TRAPPC3: variants seen among roughly 807,000 people sequenced by gnomAD.
TRAPPC3 encodes the protein trafficking protein particle complex 3.
TRAPPC3 carries 5 observed loss-of-function variants against 18.2 expected under a neutral mutation model. The ratio of observed to expected loss-of-function variants is 0.28; its 90% CI spans 0.14 to 0.58. The LOEUF is 0.58. Among genes scored for constraint, TRAPPC3 ranks in the 20% least tolerant of loss-of-function variants. The pLI is 0.91. For synonymous variants in TRAPPC3, 65 were observed against 84.2 expected (o/e 0.77, Z 1.25); for missense variants, 176 against 225.9 (o/e 0.78, Z 1.41).
At chr1:36,150,274 C>A (rs1644258601), upstream of TRAPPC3, among the ~76,000 whole-genome samples, 4 of 152,246 alleles carry the variant, frequency 2.6e-5, no homozygotes, top group African/African-American at 9.6e-5. Context: ...GCATAAAAGG[C>A]ATAAAAGAAA....
At position 36,137,046 on chromosome 1, in the gene TRAPPC3, G is replaced by A. The variant is rs778389344; in HGVS notation, c.*157C>T. ...ACACATGGGGTAAATGGACTATATCGCAGTCTGCTCTTTATTTGAATGGAG... is the reference window on the plus strand; with the variant it reads ...ACACATGGGGTAAATGGACTATATCACAGTCTGCTCTTTATTTGAATGGAG... On this transcript the variant is annotated 3_prime_UTR_variant, in exon 5 of 5. Transcript: ENST00000373166. 2.7e-4 allele frequency: 225 copies of A among 842,246 alleles called. No homozygotes were observed. The highest frequency in any genetic ancestry group is 3.6e-4 in the Non-Finnish European group (198 of 548,202). 52.2% of individuals were successfully genotyped at this position (842,246 alleles called of 1,614,324 possible).
chr1:36,156,035 G>T (rs1029472499), exon 1 of TRAPPC3: 18 of 196,434 alleles, frequency 9.2e-5, no homozygotes, highest in African/African-American at 3.1e-4. Context: ...CGGGGGCGGC[G>T]CGAACGGCGC....
chr1:36,137,559 G>C, intron 4 of TRAPPC3: 1 of 636,230 alleles, frequency 1.6e-6, no homozygotes, highest in Non-Finnish European at 2.7e-6. Flanking sequence ...GCCTATCTGA[G>C]AATGGATGTT....
chr1:36,143,141 G>C (rs1644141203), intron 1 of TRAPPC3, among the ~76,000 whole-genome samples: 1 of 152,088 alleles, frequency 6.6e-6, no homozygotes, highest in South Asian at 2.1e-4. Context: ...TATCTAACAG[G>C]AGGGGGAGAG....
Position 36,140,118 on chromosome 1 carries a change from A to AGCTGGTGACCACCT in TRAPPC3, c.90_91insAGGTGGTCACCAGC (p.Cys31ArgfsTer15). On this transcript the variant is annotated frameshift_variant, in exon 2 of 5. Transcript: ENST00000373166. LOFTEE classifies it high-confidence loss of function. ...TCTTCATCATTTTCATAGTCCTTAC[A>AGCTGGTGACCACCT]TAGCTGGGTGACCAGGGCACCATAG... 6.2e-7 allele frequency: 1 copy of AGCTGGTGACCACCT among 1,605,244 alleles called. No individual in the cohort carries two copies. The highest frequency in any genetic ancestry group is 8.5e-7 in the Non-Finnish European group (1 of 1,177,556).
intron 1 of TRAPPC3, chr1:36,140,457 T>C (rs1557758296): frequency 3.5e-6 from 1 of 287,776 alleles, no homozygotes; most frequent in Non-Finnish European, 6.4e-6. Flanking sequence ...ACCACAGCTG[T>C]CAAGCCTAAG....
chr1:36,144,150 T>A (rs2124158692), intron 1 of TRAPPC3, among the ~76,000 whole-genome samples: 1 of 151,702 alleles, frequency 6.6e-6, no homozygotes, highest in East Asian at 1.9e-4. Context: ...TAGCTGGGCG[T>A]GGTACTAGGT....
At chr1:36,138,365 G>A in intron 3 of TRAPPC3, 1 of 1,075,256 alleles carries the variant, frequency 9.3e-7, no homozygotes, top group Non-Finnish European at 1.3e-6. Flanking sequence ...TCCTCTGTCT[G>A]TGCTACCTGA....
At chr1:36,151,890 A>G (rs540694164), upstream of TRAPPC3, among the ~76,000 whole-genome samples, 1 of 152,166 alleles carries the variant, frequency 6.6e-6, no homozygotes, top group African/African-American at 2.4e-5. Context: ...CCGCCTCCCC[A>G]AGAGCTGGAC....
rs1644034505 is a variant in TRAPPC3 at position 36,137,002 on chromosome 1, C to T, written c.*201G>A. ...CCTCTCAAGGGAATGGGGGCAGAGACTGTCGCTCCTGAATGTGCACACATG... is the reference window on the plus strand; with the variant it reads ...CCTCTCAAGGGAATGGGGGCAGAGATTGTCGCTCCTGAATGTGCACACATG... On this transcript the variant is annotated 3_prime_UTR_variant, in exon 5 of 5. Transcript: ENST00000373166. The T allele has an allele frequency of 2.0e-6, 1 of 494,580 alleles. No individual in the cohort carries two copies. The highest frequency in any genetic ancestry group is 3.5e-5 in the Admixed American group (1 of 28,234). 30.6% of individuals were successfully genotyped at this position (494,580 alleles called of 1,614,324 possible). A position where few individuals can be genotyped will look rare whatever the true frequency, so the allele number is the denominator to read the frequency against.
rs559357136 is a variant in TRAPPC3, at chr1:36,154,554, C to T, written c.-97+1329G>A. 3.3e-3 allele frequency among the ~76,000 whole-genome samples: 506 copies of T among 152,242 alleles called. 3 individuals are homozygous for T. The highest frequency in any genetic ancestry group is 0.012 in the African/African-American group (480 of 41,526). Reference sequence around the variant, plus strand: ...CCTCACAAAGGACTGTCATGAACTCCGTCATCCCCGCAGTCCCCCCACCCT... The same window carrying T: ...CCTCACAAAGGACTGTCATGAACTCTGTCATCCCCGCAGTCCCCCCACCCT... On this transcript the variant is annotated intron_variant, in intron 1 of 4. Transcript: ENST00000617904.
chr1:36,153,653 C>T (rs981319946), upstream of TRAPPC3, among the ~76,000 whole-genome samples: 3 of 152,196 alleles, frequency 2.0e-5, no homozygotes, highest in Non-Finnish European at 2.9e-5. Context: ...CTGGCTTCTA[C>T]GCGGTAGCTG....
chr1:36,137,148 A>G lies in TRAPPC3; in HGVS notation c.*55T>C. 1 of 1,576,526 alleles carries G rather than the reference A, an allele frequency of 6.3e-7. No individual in the cohort carries two copies. Among genetic ancestry groups the G allele is most frequent in the Non-Finnish European group, 8.7e-7 (1 of 1,150,532 alleles). The stretch of plus-strand genomic sequence containing the variant: ...GTTCTGGAGGGCAGAGGGAGCACAG[A>G]GGCCTGCTGATTCCAACAGTGCTCC... On this transcript the variant is annotated 3_prime_UTR_variant, in exon 5 of 5. Coordinates refer to ENST00000373166, the MANE Select transcript of TRAPPC3 (RefSeq NM_014408.5).
intron 1 of TRAPPC3, chr1:36,149,033 G>T: frequency 7.8e-7 from 1 of 1,290,300 alleles, no homozygotes; most frequent in Non-Finnish European, 9.9e-7. Flanking sequence ...AACGTGCGTG[G>T]CCCGGTGCCC....
At chr1:36,138,319 GCTGC>G in intron 3 of TRAPPC3, 1 of 1,486,746 alleles carries the variant, frequency 6.7e-7, no homozygotes, top group Admixed American at 2.0e-5. Context: ...CGACACGGTG[GCTGC>G]CTGAGTGCAG....
upstream of TRAPPC3, chr1:36,149,633 TC>T (rs1644253130): frequency 1.8e-6 from 1 of 562,618 alleles, no homozygotes. Flanking sequence ...CAACTACAAC[TC>T]CCGGAGTGCT....
chr1:36,137,783 G>C lies in TRAPPC3; in HGVS notation c.423+13C>G. 2 of 1,611,584 alleles carry C rather than the reference G, an allele frequency of 1.2e-6. No homozygotes were observed. Among genetic ancestry groups the C allele is most frequent in the South Asian group, 1.1e-5 (1 of 90,802 alleles). Reference sequence around the variant, plus strand: ...CATTTCGGGTGTCCCAGAAGATAAAGAGTTGCACTCACCATCTCCAAAGCT... The same window carrying C: ...CATTTCGGGTGTCCCAGAAGATAAACAGTTGCACTCACCATCTCCAAAGCT... On this transcript the variant is annotated intron_variant, in intron 4 of 4. Coordinates refer to ENST00000373166, the MANE Select transcript of TRAPPC3 (RefSeq NM_014408.5).
intron 1 of TRAPPC3, among the ~76,000 whole-genome samples, chr1:36,141,958 CAAAAAAAAAAAAAAA>C (rs71053907): frequency 1.6e-5 from 1 of 64,134 alleles, no homozygotes; most frequent in Admixed American, 2.2e-4. Context: ...ATTCCGTCTC[CAAAAAAAAAAAAAAA>C]AAAAAAAAAA....
chr1:36,147,423 C>G (rs1292381931), intron 1 of TRAPPC3, among the ~76,000 whole-genome samples: 13 of 151,528 alleles, frequency 8.6e-5, no homozygotes, highest in Non-Finnish European at 1.5e-4. Flanking sequence ...TGCTTGAGCC[C>G]AGGAGTTCGA....
Sources: gnomAD v4.1 joint callset for allele counts (sites outside exome capture counted in the v4.1 genomes callset) on GRCh38, gnomAD v4.1.1 for gene constraint, MANE v1.5 for transcripts, NCBI Gene and HGNC (gene_info 2026-07-23, HGNC 2026-07-21) for gene names.